The following UNC5D variants were observed in gnomAD, a reference collection of about 807,000 sequenced individuals.
UNC5D encodes netrin receptor UNC5D.
UNC5D carries 39 observed loss-of-function variants against 105.4 expected under a neutral mutation model. The ratio of observed to expected loss-of-function variants is 0.37; its 90% confidence interval spans 0.29 to 0.48. The LOEUF (loss-of-function observed/expected upper bound fraction) is 0.48. Among genes scored for constraint, UNC5D ranks in the 20% least tolerant of loss-of-function variants. UNC5D has a pLI of 0.98. For missense variants in UNC5D, 991 were observed against 1,202.4 expected (o/e 0.82, Z 2.60); for synonymous variants, 452 against 450.4 (o/e 1.00, Z -0.04).
intron 1 of UNC5D, among the ~76,000 whole-genome samples, chr8:35,271,386 CACACATGCACGTGTGTATGTATATGTAT>C (rs1805310579): frequency 9.6e-6 from 1 of 103,954 alleles, no homozygotes; most frequent in Non-Finnish European, 2.1e-5. Flanking sequence ...TGTATATGTA[CACACATGCACGTGTGTATGTATATGTAT>C]ACACACACAT....
At chr8:35,341,828 A>G (rs571938049) in intron 1 of UNC5D, among the ~76,000 whole-genome samples, 1 of 152,154 alleles carries the variant, frequency 6.6e-6, no homozygotes. Context: ...CATAAGACAC[A>G]CTAAGGAAAA....
chr8:35,432,683 T>C (rs1806724825), intron 1 of UNC5D, among the ~76,000 whole-genome samples: 1 of 152,196 alleles, frequency 6.6e-6, no homozygotes, highest in Non-Finnish European at 1.5e-5. Flanking sequence ...AACGGGTCCC[T>C]CATCAGTTAA....
At chr8:35,432,721 C>T (rs184042590) in intron 1 of UNC5D, among the ~76,000 whole-genome samples, 1 of 152,184 alleles carries the variant, frequency 6.6e-6, no homozygotes, top group East Asian at 1.9e-4. Context: ...CTTACTTGCA[C>T]GGATATAATA....
chr8:35,684,545 C>G (rs758145691), intron 5 of UNC5D, 37 bp from the exon 6 acceptor site: 2 of 1,599,976 alleles, frequency 1.3e-6, no homozygotes, highest in Non-Finnish European at 1.7e-6. Flanking sequence ...AAAAACCTCT[C>G]TCCTTTTTTT....
intron 4 of UNC5D, among the ~76,000 whole-genome samples, chr8:35,673,749 G>A (rs757042591): frequency 6.6e-6 from 1 of 152,110 alleles, no homozygotes; most frequent in African/African-American, 2.4e-5. Flanking sequence ...TCACATTGGT[G>A]TCCAATACAG....
chr8:35,672,507 G>A (rs1238733562), intron 4 of UNC5D, among the ~76,000 whole-genome samples: 2 of 152,166 alleles, frequency 1.3e-5, no homozygotes, highest in Non-Finnish European at 2.9e-5. Flanking sequence ...CTTCACCAGA[G>A]ATTCAAAAGC....
intron 1 of UNC5D, among the ~76,000 whole-genome samples, chr8:35,548,624 A>G (rs1244542222): frequency 6.6e-6 from 1 of 151,610 alleles, no homozygotes; most frequent in African/African-American, 2.4e-5. Flanking sequence ...ACTACTGGCT[A>G]TAAGCTCAGA....
intron 8 of UNC5D, among the ~76,000 whole-genome samples, chr8:35,707,985 T>G (rs1827700805): frequency 6.6e-6 from 1 of 152,210 alleles, no homozygotes; most frequent in Non-Finnish European, 1.5e-5. Flanking sequence ...TTCTGTAAGC[T>G]GCATGGTTAG....
At chr8:35,475,945 G>T (rs1016771164) in intron 1 of UNC5D, among the ~76,000 whole-genome samples, 5 of 152,082 alleles carry the variant, frequency 3.3e-5, no homozygotes, top group Admixed American at 6.6e-5. Context: ...CTTACTGAGT[G>T]CCCACTAGGC....
In UNC5D at chr8:35,276,615, T is replaced by C. The variant is rs112684849; in HGVS notation, c.103+40728T>C. Among the ~76,000 whole-genome samples, 598 of 152,318 alleles carry C rather than the reference T, an allele frequency of 3.9e-3. 8 individuals are homozygous for C. Among genetic ancestry groups the C allele is most frequent in the African/African-American group, 0.014 (564 of 41,580 alleles). On this transcript the variant is annotated intron_variant, in intron 1 of 16. Transcript: ENST00000404895. ...TTTGATTCCACATTCACTAAGCAAT[T>C]TTCTGAGTTATGATATAATCTCCCA...
chr8:35,326,882 C>G (rs1356654169), intron 1 of UNC5D, among the ~76,000 whole-genome samples: 1 of 152,146 alleles, frequency 6.6e-6, no homozygotes, highest in African/African-American at 2.4e-5. Context: ...CGTTCAGGGC[C>G]TCTGGATGTT....
intron 4 of UNC5D, among the ~76,000 whole-genome samples, chr8:35,600,669 C>A (rs371457695): frequency 3.3e-5 from 5 of 151,842 alleles, no homozygotes; most frequent in African/African-American, 1.2e-4. Context: ...TTGTAAATTT[C>A]TTTGAGTTCA....
chr8:35,559,491 G>A (rs537866944), intron 2 of UNC5D, among the ~76,000 whole-genome samples: 34 of 152,326 alleles, frequency 2.2e-4, no homozygotes, highest in African/African-American at 8.2e-4. Flanking sequence ...TTGAGAACTG[G>A]CTGGAAACAG....
intron 1 of UNC5D, among the ~76,000 whole-genome samples, chr8:35,294,173 G>A (rs1347144295): frequency 1.3e-5 from 2 of 152,104 alleles, no homozygotes; most frequent in East Asian, 1.9e-4. Context: ...AAAAATAAGG[G>A]CAATGCAAAT....
At chr8:35,653,132 G>A (rs917320364) in intron 4 of UNC5D, among the ~76,000 whole-genome samples, 3 of 151,776 alleles carry the variant, frequency 2.0e-5, no homozygotes, top group African/African-American at 7.3e-5. Flanking sequence ...GTTTCATCAT[G>A]TTGGCCAGGA....
intron 1 of UNC5D, among the ~76,000 whole-genome samples, chr8:35,470,358 A>G (rs1386640623): frequency 1.3e-5 from 2 of 152,094 alleles, no homozygotes; most frequent in Non-Finnish European, 1.5e-5. Context: ...TCTCTTCTGC[A>G]GGTCATGACA....
chr8:35,335,113 G>C (rs1810924233), intron 1 of UNC5D, among the ~76,000 whole-genome samples: 1 of 152,132 alleles, frequency 6.6e-6, no homozygotes, highest in South Asian at 2.1e-4. Context: ...GTGTGTATCA[G>C]TAGTTTGTTG....
At chr8:35,390,100 G>A (rs527497103) in intron 1 of UNC5D, among the ~76,000 whole-genome samples, 49 of 152,276 alleles carry the variant, frequency 3.2e-4, no homozygotes, top group Middle Eastern at 3.4e-3. Flanking sequence ...GAAGGCAAAG[G>A]GGGAGCAGGC....
chr8:35,613,327 G>A (rs1374585964), intron 4 of UNC5D, among the ~76,000 whole-genome samples: 1 of 152,126 alleles, frequency 6.6e-6, no homozygotes, highest in East Asian at 1.9e-4. Context: ...TGCCCACCCT[G>A]GCCTCCCCAA....
Sources: gnomAD v4.1 joint callset for allele counts (sites outside exome capture counted in the v4.1 genomes callset) on GRCh38, gnomAD v4.1.1 for gene constraint, MANE v1.5 for transcripts, NCBI Gene and HGNC (gene_info 2026-07-23, HGNC 2026-07-21) for gene names.